Variants in SEC14L1 observed in about 807,000 individuals in gnomAD.
SEC14L1 encodes SEC14-like protein 1.
A neutral mutation model predicts 85.3 loss-of-function variants in SEC14L1; 48 were observed. The ratio of observed to expected loss-of-function variants is 0.56; its 90% CI spans 0.45 to 0.72. The LOEUF (loss-of-function observed/expected upper bound fraction) is 0.72, where lower values mean the gene tolerates loss of function less well. Ranked by LOEUF, SEC14L1 falls within the 30% of genes least tolerant of loss-of-function variation. SEC14L1 has a pLI of 0.00. For missense variants in SEC14L1, 682 were observed against 921.4 expected (o/e 0.74, Z 3.36); for synonymous variants, 391 against 355.5 (o/e 1.10, Z -1.12).
chr17:77,169,025 T>A (rs1974413823), intron 3 of SEC14L1, among the ~76,000 whole-genome samples: 1 of 144,874 alleles, frequency 6.9e-6, no homozygotes, highest in Non-Finnish European at 1.5e-5. Context: ...TTTTTTTTTT[T>A]TTTTTTTTTT....
At chr17:77,090,846 G>A (rs978826668) in intron 2 of SEC14L1, among the ~76,000 whole-genome samples, 3 of 151,972 alleles carry the variant, frequency 2.0e-5, no homozygotes, top group Non-Finnish European at 2.9e-5. Context: ...AAGTAAGCTG[G>A]GTGTGGTGAC....
chr17:77,151,510 G>T (rs966258830), intron 3 of SEC14L1, among the ~76,000 whole-genome samples: 31 of 152,140 alleles, frequency 2.0e-4, no homozygotes, highest in African/African-American at 7.2e-4. Flanking sequence ...TAGAGTGAAG[G>T]CAGTTGTGGT....
At chr17:77,097,117 AG>A (rs983712377) in intron 3 of SEC14L1, among the ~76,000 whole-genome samples, 1 of 152,222 alleles carries the variant, frequency 6.6e-6, no homozygotes, top group African/African-American at 2.4e-5. Context: ...TTTCTTTGTA[AG>A]GAATCCAGTG....
chr17:77,178,064 C>G (rs1324454445), intron 3 of SEC14L1, among the ~76,000 whole-genome samples: 4 of 144,854 alleles, frequency 2.8e-5, no homozygotes, highest in Non-Finnish European at 6.0e-5. Flanking sequence ...CTCCCCCCCC[C>G]CTTTTTTTTT....
At chr17:77,192,384 C>G (rs1975588075) in intron 5 of SEC14L1, among the ~76,000 whole-genome samples, 1 of 152,178 alleles carries the variant, frequency 6.6e-6, no homozygotes, top group Non-Finnish European at 1.5e-5. Flanking sequence ...TCTATGGGCT[C>G]AAAACCCTGG....
At chr17:77,114,709 C>T (rs372074302) in intron 3 of SEC14L1, among the ~76,000 whole-genome samples, 2 of 151,050 alleles carry the variant, frequency 1.3e-5, no homozygotes, top group African/African-American at 4.9e-5. Flanking sequence ...GTGGCGCATG[C>T]CTGTAGTCCC....
chr17:77,168,404 T>C (rs1041739276), intron 3 of SEC14L1, among the ~76,000 whole-genome samples: 7 of 152,202 alleles, frequency 4.6e-5, no homozygotes, highest in African/African-American at 1.7e-4. Context: ...GGAGGTTTTG[T>C]GAGAGCTGTT....
In SEC14L1 at chr17:77,154,648, G is replaced by T. The variant is rs12947132; in HGVS notation, c.63+10989G>T. Among the ~76,000 whole-genome samples the T allele has an allele frequency of 2.0e-3, 163 of 81,822 alleles. 1 individual carries two copies. The highest frequency in any genetic ancestry group is 7.5e-3 in the South Asian group (22 of 2,926). The allele number at this position is 81,822 out of a possible 152,430, so 53.7% of individuals were successfully genotyped here. A position where few individuals can be genotyped will look rare whatever the true frequency, so the allele number is the denominator to read the frequency against. On this transcript the variant is annotated intron_variant, in intron 3 of 16. Coordinates refer to ENST00000436233, the MANE Select transcript of SEC14L1 (RefSeq NM_001143998.2). The stretch of plus-strand genomic sequence containing the variant: ...TTCTGGTTTTTTTTGTTTTTTTTTG[G>T]TTTTTTTTTAAGAAAAGTCTGTCTC...
chr17:77,115,705 G>T (rs1432528564), intron 3 of SEC14L1, among the ~76,000 whole-genome samples: 30 of 152,078 alleles, frequency 2.0e-4, no homozygotes, highest in Admixed American at 2.0e-3. Context: ...ATGTTCTCTT[G>T]CTTTCAAAAC....
intron 9 of SEC14L1, among the ~76,000 whole-genome samples, chr17:77,202,912 C>T (rs1383847561): frequency 6.8e-6 from 1 of 146,280 alleles, no homozygotes; most frequent in Non-Finnish European, 1.5e-5. Context: ...GGGAGAGACT[C>T]TCTCTCTAAA....
intron 3 of SEC14L1, among the ~76,000 whole-genome samples, chr17:77,187,437 G>A (rs558683107): frequency 6.6e-6 from 1 of 152,124 alleles, no homozygotes; most frequent in Admixed American, 6.5e-5. Flanking sequence ...GAGTGTGGTG[G>A]CACCATTTTG....
Position 77,143,666 on chromosome 17 carries a change from A to T in SEC14L1, c.63+7A>T. The T allele has an allele frequency of 6.3e-7, 1 of 1,594,928 alleles. No homozygotes were observed. The highest frequency in any genetic ancestry group is 8.6e-7 in the Non-Finnish European group (1 of 1,162,878). ...CTTTGAATTAATTATGGCTGTAAGT[A>T]CTTGACATTTCAATTTACTCTTTGG... On this transcript the variant is annotated splice_region_variant and intron_variant, in intron 3 of 16. Transcript: ENST00000436233.
At chr17:77,095,841 TGAAA>T (rs770640778) in intron 3 of SEC14L1, among the ~76,000 whole-genome samples, 1 of 151,868 alleles carries the variant, frequency 6.6e-6, no homozygotes, top group Non-Finnish European at 1.5e-5. Flanking sequence ...AACTAATTAC[TGAAA>T]TAAATAAACA....
At chr17:77,144,645 C>G (rs1973197530) in intron 3 of SEC14L1, 1 of 152,238 alleles carries the variant, frequency 6.6e-6, no homozygotes, top group Non-Finnish European at 1.5e-5. Context: ...CAGCGTCTCA[C>G]TCTGTCACTC....
intron 3 of SEC14L1, among the ~76,000 whole-genome samples, chr17:77,155,026 T>C (rs1047447156): frequency 5.9e-5 from 9 of 152,232 alleles, no homozygotes; most frequent in Non-Finnish European, 1.3e-4. Context: ...CTGGCAATAA[T>C]AGGTGTTTTA....
intron 10 of SEC14L1, 40 bp downstream of exon 10, chr17:77,203,698 G>A (rs776996289): frequency 6.5e-6 from 10 of 1,531,578 alleles, no homozygotes; most frequent in Admixed American, 5.5e-5. Flanking sequence ...CCACTGTGGC[G>A]TCACTTTTTT....
At chr17:77,209,913 A>C (rs566387409) in intron 14 of SEC14L1, 3 of 152,876 alleles carry the variant, frequency 2.0e-5, no homozygotes, top group African/African-American at 7.3e-5. Flanking sequence ...CATGATCTCA[A>C]CTCACTGCAA....
chr17:77,210,686 A>T (rs1430893523), intron 14 of SEC14L1: 1 of 152,236 alleles, frequency 6.6e-6, no homozygotes, highest in Non-Finnish European at 1.5e-5. Context: ...CTCAGATTTC[A>T]TAACGTCTTG....
chr17:77,212,099 G>A lies in SEC14L1; in HGVS notation c.1761G>A (p.Pro587=), dbSNP rs774771610. 2.5e-5 allele frequency: 40 copies of A among 1,614,044 alleles called. No homozygotes were observed. The highest frequency in any genetic ancestry group is 8.3e-5 in the Admixed American group (5 of 60,012). The change falls in exon 15 of 17, where the codon CCG becomes CCA. Residue 587 remains proline (P), a synonymous_variant. Transcript: ENST00000436233. ...TGGGAGCCCACAGCATCACCTCTCCGGGTGGGAACAATGTGCAGCTCATAG... is the reference window on the plus strand; with the variant it reads ...TGGGAGCCCACAGCATCACCTCTCCAGGTGGGAACAATGTGCAGCTCATAG... ...DSLGAHSITS[P]GGNNVQLIDK... is the part of the protein sequence containing the mutation.
Sources: allele counts gnomAD v4.1 joint callset (sites outside exome capture counted in the v4.1 genomes callset), GRCh38; gene constraint gnomAD v4.1.1; transcripts MANE v1.5; gene names NCBI Gene and HGNC (gene_info 2026-07-23, HGNC 2026-07-21).